PRRT4: variants seen among roughly 807,000 people sequenced by gnomAD.
PRRT4 encodes proline-rich transmembrane protein 4.
In PRRT4, 59 loss-of-function variants were observed where a neutral mutation model predicts 55.6. The observed-to-expected ratio is 1.06, with a 90% confidence interval of 0.86 to 1.32. The LOEUF (loss-of-function observed/expected upper bound fraction) is 1.32. Among genes scored for constraint, PRRT4 ranks in the 40% most tolerant of loss-of-function variants. PRRT4 has a pLI of 0.00. For synonymous variants in PRRT4, 606 were observed against 601.8 expected, an observed-to-expected ratio of 1.01 and a Z score of -0.10; for missense variants, 1,217 against 1,222.0, an observed-to-expected ratio of 1.00 and a Z score of 0.06.
exon 5 of PRRT4, chr7:128,352,128 C>G: frequency 8.1e-7 from 1 of 1,228,274 alleles, no homozygotes; most frequent in Non-Finnish European, 1.0e-6. Context: ...CGGCCGCCAG[C>G]CCCAGCCCCA....
At chr7:128,351,089 C>T (rs1796949793) in exon 5 of PRRT4, 2 of 1,548,774 alleles carry the variant, frequency 1.3e-6, no homozygotes, top group South Asian at 1.2e-5. Flanking sequence ...GGGGGCCTGT[C>T]GGGGCTGGAA....
At chr7:128,353,463 A>G (rs1204855821) in intron 4 of PRRT4, among the ~76,000 whole-genome samples, 1 of 152,136 alleles carries the variant, frequency 6.6e-6, no homozygotes, top group African/African-American at 2.4e-5. Flanking sequence ...ACACGCACAC[A>G]CACACACACA....
exon 5 of PRRT4, chr7:128,351,322 C>T: frequency 2.1e-5 from 32 of 1,545,784 alleles, no homozygotes; most frequent in Non-Finnish European, 2.7e-5. Context: ...CTGGAAGAGG[C>T]CAGGCGCAAG....
chr7:128,359,298 G>C (rs1056157898), intron 2 of PRRT4, 42 bp downstream of exon 3: 13 of 1,530,708 alleles, frequency 8.5e-6, no homozygotes, highest in Non-Finnish European at 1.1e-5. Flanking sequence ...CCTGCCAGGG[G>C]TGCCCAGCAG....
Position 128,359,621 on chromosome 7 carries a change from GC to G in PRRT4, c.370del (p.Ala124ProfsTer30), listed in dbSNP as rs1562969940. 6.5e-7 allele frequency: 1 copy of G among 1,534,316 alleles called. No homozygotes were observed. The highest frequency in any genetic ancestry group is 8.8e-7 in the Non-Finnish European group (1 of 1,137,888). ...TGTGGACTCCGGAAGCAGGGAGGAG[GC>G]CCGGGGCTTTGAGCCACCTTCGGTG... On this transcript the variant is annotated frameshift_variant, in exon 2 of 5. Transcript: ENST00000535159. LOFTEE classifies it high-confidence loss of function.
At chr7:128,351,864 C>T in exon 5 of PRRT4, 3 of 1,340,230 alleles carry the variant, frequency 2.2e-6, no homozygotes, top group Non-Finnish European at 2.8e-6. Context: ...CGAAGGTGCC[C>T]GCCACCGGGG....
intron 4 of PRRT4, among the ~76,000 whole-genome samples, chr7:128,356,526 A>G (rs1380167394): frequency 6.6e-6 from 1 of 152,244 alleles, no homozygotes; most frequent in African/African-American, 2.4e-5. Flanking sequence ...TTTCCCCAGA[A>G]GAGTCCAGAA....
At chr7:128,351,778 C>T (rs1292406828) in exon 5 of PRRT4, 1 of 1,427,856 alleles carries the variant, frequency 7.0e-7, no homozygotes, top group Non-Finnish European at 9.1e-7. Flanking sequence ...GGGCCAGGGC[C>T]CTTCCAGGCC....
At chr7:128,355,796 C>T (rs1797100085) in intron 4 of PRRT4, among the ~76,000 whole-genome samples, 3 of 152,232 alleles carry the variant, frequency 2.0e-5, no homozygotes, top group Admixed American at 2.0e-4. Context: ...CTGCCCCAGC[C>T]TGTCACCCCC....
exon 5 of PRRT4, chr7:128,352,090 C>T (rs1796995441): frequency 1.7e-6 from 2 of 1,156,376 alleles, no homozygotes; most frequent in African/African-American, 3.3e-5. Flanking sequence ...CCGCAGCGGG[C>T]GATGCGCGGC....
chr7:128,351,615 C>G (rs2116440133), exon 5 of PRRT4: 1 of 1,509,082 alleles, frequency 6.6e-7, no homozygotes, highest in East Asian at 2.6e-5. Flanking sequence ...CCGGCAGCAG[C>G]GGAGCCGCGT....
chr7:128,354,390 C>T (rs997261777), intron 4 of PRRT4, among the ~76,000 whole-genome samples: 2 of 152,132 alleles, frequency 1.3e-5, no homozygotes, highest in Non-Finnish European at 2.9e-5. Flanking sequence ...ACAGCAAAAC[C>T]CCATCTCTAC....
chr7:128,357,236 A>ACACTCT (rs1300864584), intron 4 of PRRT4, among the ~76,000 whole-genome samples: 22 of 140,894 alleles, frequency 1.6e-4, no homozygotes, highest in Admixed American at 7.0e-4. Flanking sequence ...ACACACACAC[A>ACACTCT]CTCTCTCTCT....
At chr7:128,359,426 G>T (rs748886113) in exon 2 of PRRT4, 3 of 1,465,170 alleles carry the variant, frequency 2.0e-6, no homozygotes, top group Non-Finnish European at 2.7e-6. Context: ...AAGCGTGGGG[G>T]CTGCACCTGC....
At position 128,359,333 on chromosome 7, in the gene PRRT4, T is replaced by A. The variant is rs764663745; in HGVS notation, c.652+7A>T. Reference sequence around the variant, plus strand: ...GGGGCTTTCCTTGGGATGGGGTGGTTACTCACCAAAGGGTCCCAGGCGCCC... The same window carrying A: ...GGGGCTTTCCTTGGGATGGGGTGGTAACTCACCAAAGGGTCCCAGGCGCCC... On this transcript the variant is annotated splice_region_variant and intron_variant, in intron 2 of 4. Coordinates refer to ENST00000535159, the Ensembl canonical transcript of PRRT4. 9 of 1,494,642 alleles carry A rather than the reference T, an allele frequency of 6.0e-6. No individual in the cohort carries two copies. The highest frequency in any genetic ancestry group is 8.9e-7 in the Non-Finnish European group (1 of 1,123,700). 92.6% of individuals were successfully genotyped at this position (1,494,642 alleles called of 1,614,324 possible).
At chr7:128,356,433 A>T (rs1584684763) in intron 4 of PRRT4, among the ~76,000 whole-genome samples, 1 of 152,172 alleles carries the variant, frequency 6.6e-6, no homozygotes, top group African/African-American at 2.4e-5. Flanking sequence ...GTGGAAAAAA[A>T]ACCTGGCTTC....
exon 5 of PRRT4, chr7:128,352,121 C>T: frequency 8.5e-7 from 1 of 1,176,890 alleles, no homozygotes; most frequent in Non-Finnish European, 1.0e-6. Context: ...GCGGCGGCGG[C>T]CGCCAGCCCC....
At chr7:128,360,911 A>C (rs921922985) in intron 1 of PRRT4, among the ~76,000 whole-genome samples, 2 of 151,626 alleles carry the variant, frequency 1.3e-5, no homozygotes, top group Non-Finnish European at 2.9e-5. Context: ...GCACCCTTAC[A>C]TCACACACAT....
At chr7:128,360,727 G>A (rs1047146136) in intron 1 of PRRT4, among the ~76,000 whole-genome samples, 8 of 151,994 alleles carry the variant, frequency 5.3e-5, no homozygotes, top group Non-Finnish European at 1.2e-4. Flanking sequence ...TGAAGTATTC[G>A]GGGGAGGGGC....
Sources: gnomAD v4.1 joint callset for allele counts (sites outside exome capture counted in the v4.1 genomes callset) on GRCh38, gnomAD v4.1.1 for gene constraint, MANE v1.5 for transcripts, NCBI Gene and HGNC (gene_info 2026-07-23, HGNC 2026-07-21) for gene names.